Variants in LMTK3 observed in about 807,000 individuals in gnomAD.
LMTK3 encodes lemur tail kinase 3.
A neutral mutation model predicts 116.7 loss-of-function variants in LMTK3; 27 were observed. That is an observed-to-expected ratio of 0.23 (90% confidence interval 0.17 to 0.32). LMTK3 has a LOEUF of 0.32. Among genes scored for constraint, LMTK3 ranks in the 10% least tolerant of loss-of-function variants. The pLI, the probability that LMTK3 is intolerant of heterozygous loss-of-function variation, is 1.00. For missense variants in LMTK3, 1,764 were observed against 2,068.5 expected (o/e 0.85, Z 2.86); for synonymous variants, 965 against 971.0 (o/e 0.99, Z 0.11).
intron 5 of LMTK3, among the ~76,000 whole-genome samples, chr19:48,504,415 C>T (rs894094644): frequency 1.3e-5 from 2 of 152,224 alleles, no homozygotes; most frequent in African/African-American, 4.8e-5. Flanking sequence ...CTCAGTTTTC[C>T]TCATCTGTAA....
Position 48,501,568 on chromosome 19 carries a change from G to GGAA in LMTK3, c.795-9_795-7dup. The GGAA allele has an allele frequency of 2.5e-6, 4 of 1,602,436 alleles. No homozygotes were observed. The highest frequency in any genetic ancestry group is 3.4e-6 in the Non-Finnish European group (4 of 1,176,184). Reference sequence around the variant, plus strand: ...AGTTGCGCAGGGCCAGGTCGCTGCGGGAAGAACGCGAGGAGGTGAGCGCAG... The same window carrying GGAA: ...AGTTGCGCAGGGCCAGGTCGCTGCGGGAAGAAGAACGCGAGGAGGTGAGCGCAG... On this transcript the variant is annotated splice_region_variant and splice_polypyrimidine_tract_variant and intron_variant, in intron 7 of 14. Coordinates refer to ENST00000600059, the MANE Select transcript of LMTK3 (RefSeq NM_001388485.1).
intron 14 of LMTK3, among the ~76,000 whole-genome samples, 169 bp from the exon 15 acceptor site, chr19:48,485,958 T>C (rs1424076780): frequency 6.6e-6 from 1 of 151,240 alleles, no homozygotes; most frequent in Non-Finnish European, 1.5e-5. Context: ...CTCCAGCCAC[T>C]GGGCCTCCTG....
rs374366425 is a variant in LMTK3, at chr19:48,490,604, A to C, written c.4366+504T>G. On this transcript the variant is annotated intron_variant, in intron 14 of 14. Transcript: ENST00000600059. ...GATCGCAATGAACATTAAATGGGTT[A>C]AACTGTGGTGAGGCACTGCAGGGTC... Among the ~76,000 whole-genome samples, 19 of 151,776 alleles carry C rather than the reference A, an allele frequency of 1.3e-4. 2 individuals carry two copies. Among genetic ancestry groups the C allele is most frequent in the Admixed American group, 1.0e-3 (16 of 15,282 alleles).
intron 2 of LMTK3, 21 bp from the exon 3 acceptor site, chr19:48,510,194 G>A (rs76269108): frequency 6.2e-7 from 1 of 1,604,414 alleles, no homozygotes. Context: ...GAGAGGAGAA[G>A]AGGGGTGGGA....
chr19:48,511,973 C>G (rs1972672003), upstream of LMTK3, among the ~76,000 whole-genome samples: 1 of 143,034 alleles, frequency 7.0e-6, no homozygotes, highest in African/African-American at 2.6e-5. Flanking sequence ...AACTGGCTCC[C>G]CCGTAGCATT....
chr19:48,499,035 G>A lies in LMTK3; in HGVS notation c.2034C>T (p.Cys678=). The change falls in exon 11 of 15, where the codon TGC becomes TGT. Residue 678 remains cysteine, a synonymous_variant. Coordinates refer to ENST00000600059, the MANE Select transcript of LMTK3 (RefSeq NM_001388485.1). ...CCCCCCGCTCCAGTGGCAGGCAGGA[G>A]CAGGCCCCCTCGCGGCTGCACAGGG... The part of the protein sequence containing the change: ...PCPLCSREGA[C]SCLPLERGDA... The A allele has an allele frequency of 6.7e-7, 1 of 1,489,066 alleles. No homozygotes were observed. The highest frequency in any genetic ancestry group is 8.9e-7 in the Non-Finnish European group (1 of 1,120,594). The allele number at this position is 1,489,066 out of a possible 1,614,324, so 92.2% of individuals were successfully genotyped here.
At chr19:48,501,734 C>G (rs1179670049) in intron 7 of LMTK3, among the ~76,000 whole-genome samples, 172 bp from the exon 8 acceptor site, 1 of 151,882 alleles carries the variant, frequency 6.6e-6, no homozygotes, top group Admixed American at 6.6e-5. Context: ...CCCCTGCTGT[C>G]TTGTCTTCTC....
At chr19:48,487,142 C>T (rs749084944) in intron 14 of LMTK3, among the ~76,000 whole-genome samples, 1 of 151,160 alleles carries the variant, frequency 6.6e-6, no homozygotes, top group Non-Finnish European at 1.5e-5. Context: ...TCAAGCAATT[C>T]TCCTGCCTCA....
In LMTK3 at chr19:48,497,315, T is replaced by C; in HGVS notation, c.3676+78A>G. ...TCATCACTGCCAGCCCGACCCGACA[T>C]GTTTACCCACACTCACCCTCCGCAC... is the stretch of plus-strand genomic sequence containing the variant. On this transcript the variant is annotated intron_variant, in intron 11 of 14. Coordinates refer to ENST00000600059, the MANE Select transcript of LMTK3 (RefSeq NM_001388485.1). The surrounding 1 kb of genome is among the most constrained non-coding windows in gnomAD (Gnocchi z 5.7). 3.6e-6 allele frequency: 5 copies of C among 1,373,696 alleles called. No individual in the cohort carries two copies. Among genetic ancestry groups the C allele is most frequent in the Non-Finnish European group, 4.7e-6 (5 of 1,053,576 alleles). 85.1% of individuals were successfully genotyped at this position (1,373,696 alleles called of 1,614,324 possible).
rs780893921 is a variant in LMTK3 at position 48,501,085 on chromosome 19, C to T, written c.1062G>A (p.Leu354=). Residue 354 remains leucine (L), a synonymous_variant, in exon 10 of 15, where the codon CTG becomes CTA. Transcript: ENST00000600059. ...CGAAGGCGAGGACCTCCTCGTCTGA[C>T]AGGTGGCGGTAGGGCTGGGCCCCAA... ...FEFGAQPYRH[L]SDEEVLAFVV... is the part of the protein sequence containing the mutation. 6.3e-7 allele frequency: 1 copy of T among 1,588,342 alleles called. No homozygotes were observed. The highest frequency in any genetic ancestry group is 8.6e-7 in the Non-Finnish European group (1 of 1,167,896).
chr19:48,513,503 G>A (rs888860742), upstream of LMTK3: 4 of 338,624 alleles, frequency 1.2e-5, no homozygotes, highest in African/African-American at 2.1e-5. This position sits in a 1 kb window ranked among gnomAD's most constrained non-coding sequence, Gnocchi z 5.6. Context: ...CCGCCGTCTC[G>A]GGGTCACATC....
At chr19:48,496,475 T>G (rs1972327711) in intron 11 of LMTK3, among the ~76,000 whole-genome samples, 1 of 152,140 alleles carries the variant, frequency 6.6e-6, no homozygotes, top group Admixed American at 6.6e-5. Flanking sequence ...ATTTTTGTAT[T>G]TTTAATAGAG....
intron 7 of LMTK3, 70 bp from the exon 8 acceptor site, chr19:48,501,632 C>T (rs1000305799): frequency 2.1e-6 from 3 of 1,431,286 alleles, no homozygotes; most frequent in Admixed American, 3.9e-5. Flanking sequence ...CGCCCTTTCA[C>T]ACTGACTCCA....
Position 48,501,418 on chromosome 19 carries a change from G to A in LMTK3, c.880-14C>T, listed in dbSNP as rs117795040. 1.5e-3 allele frequency: 2,431 copies of A among 1,612,754 alleles called. 55 individuals carry two copies. In the East Asian group the frequency reaches 0.043, roughly 29 times the overall value. ...GTAGTAGTCCTCCTGAGGGAACCAG[G>A]GCGGTGTCAGGCGGGTCAGGGCACC... On this transcript the variant is annotated splice_polypyrimidine_tract_variant and intron_variant, in intron 8 of 14. Coordinates refer to ENST00000600059, the MANE Select transcript of LMTK3 (RefSeq NM_001388485.1).
At chr19:48,486,379 G>A (rs533490430) in intron 14 of LMTK3, among the ~76,000 whole-genome samples, 2 of 151,424 alleles carry the variant, frequency 1.3e-5, no homozygotes, top group Admixed American at 6.6e-5. Flanking sequence ...TTCTTCCTAC[G>A]TGACTCAGGC....
intron 11 of LMTK3, among the ~76,000 whole-genome samples, chr19:48,496,766 T>C (rs149455583): frequency 1.3e-3 from 198 of 152,370 alleles, no homozygotes; most frequent in African/African-American, 4.6e-3. Flanking sequence ...TAAGTTTAAA[T>C]CAGCACACGC....
chr19:48,504,249 A>G lies in LMTK3; in HGVS notation c.558-1253T>C, dbSNP rs1643477. On this transcript the variant is annotated intron_variant, in intron 5 of 14. Transcript: ENST00000600059. ...CCCTCCGGGCCTCTGCCTCAACATCATCTCCCCGGGAAGCTTTGCTGCCCC... is the reference window on the plus strand; with the variant it reads ...CCCTCCGGGCCTCTGCCTCAACATCGTCTCCCCGGGAAGCTTTGCTGCCCC... Among the ~76,000 whole-genome samples, 717 of 151,864 alleles carry G rather than the reference A, an allele frequency of 4.7e-3. 2 individuals carry two copies. Among genetic ancestry groups the G allele is most frequent in the African/African-American group, 0.016 (674 of 41,386 alleles).
chr19:48,498,371 C>T lies in LMTK3; in HGVS notation c.2698G>A (p.Val900Ile), dbSNP rs1643478. 6.2e-7 allele frequency: 1 copy of T among 1,612,744 alleles called. No homozygotes were observed. Among genetic ancestry groups the T allele is most frequent in the African/African-American group, 1.3e-5 (1 of 74,812 alleles). ...GTCGGGTCCCTGTTCAGGCCCGGGA[C>T]TTTCTCTCTGTTCCCGGGGCCTCTC... The part of the protein sequence containing the change: ...AGRGPGNREK[V>I]PGLNRDPTVL... The change falls in exon 11 of 15, where the codon GTC (valine) becomes ATC (isoleucine). Residue 900 changes from valine (V) to isoleucine (I), a missense_variant. Around this residue, in one of 7 missense-constraint regions of LMTK3, gnomAD observed 1,028 missense variants for 1,050.6 expected, o/e 0.98. Transcript: ENST00000600059.
At chr19:48,510,760 TG>T (rs1227399633) in intron 1 of LMTK3, among the ~76,000 whole-genome samples, 168 bp from the exon 2 acceptor site, 3 of 152,188 alleles carry the variant, frequency 2.0e-5, no homozygotes, top group Non-Finnish European at 2.9e-5. Context: ...AGTTGTAGTT[TG>T]GGGCCTTCCC....
Sources: allele counts gnomAD v4.1 joint callset (sites outside exome capture counted in the v4.1 genomes callset), GRCh38; gene constraint gnomAD v4.1.1; regional missense constraint gnomAD v4.1.1; non-coding constraint Gnocchi (gnomAD v3.1); transcripts MANE v1.5; gene names NCBI Gene and HGNC (gene_info 2026-07-23, HGNC 2026-07-21).